Variants in PPFIA2 observed in about 807,000 individuals in gnomAD.
PPFIA2 encodes the protein liprin-alpha-2.
A neutral mutation model predicts 175.5 loss-of-function variants in PPFIA2; 46 were observed. The observed-to-expected ratio is 0.26, with a 90% CI of 0.21 to 0.34. The LOEUF (loss-of-function observed/expected upper bound fraction) is 0.34, where lower values mean the gene tolerates loss of function less well. PPFIA2 is among the 10% of genes least tolerant of loss of function. PPFIA2 has a pLI of 1.00. For missense variants in PPFIA2, 1,179 were observed against 1,506.1 expected (o/e 0.78, Z 3.60); for synonymous variants, 568 against 511.4 (o/e 1.11, Z -1.49).
intron 3 of PPFIA2, among the ~76,000 whole-genome samples, chr12:81,678,993 T>C (rs2073108936): frequency 6.6e-6 from 1 of 151,896 alleles, no homozygotes; most frequent in Non-Finnish European, 1.5e-5. Flanking sequence ...GCATTCTTAT[T>C]GTCACTTAAG....
At chr12:81,561,584 A>C (rs1305221971) in intron 4 of PPFIA2, among the ~76,000 whole-genome samples, 1 of 152,216 alleles carries the variant, frequency 6.6e-6, no homozygotes, top group Non-Finnish European at 1.5e-5. Flanking sequence ...TCATATAGCT[A>C]TCTTCCTATT....
At chr12:81,718,615 A>T (rs2078944711) in intron 3 of PPFIA2, among the ~76,000 whole-genome samples, 1 of 151,730 alleles carries the variant, frequency 6.6e-6, no homozygotes, top group South Asian at 2.1e-4. Context: ...AGAGATTTGT[A>T]CAGTGGAAAA....
chr12:81,520,072 G>A (rs934057890), intron 4 of PPFIA2, among the ~76,000 whole-genome samples: 2 of 152,150 alleles, frequency 1.3e-5, no homozygotes, highest in African/African-American at 4.8e-5. Context: ...ATGATATAAT[G>A]TCTATGTGAT....
chr12:81,719,760 G>A (rs1250633883), intron 3 of PPFIA2, among the ~76,000 whole-genome samples: 1 of 151,154 alleles, frequency 6.6e-6, no homozygotes, highest in African/African-American at 2.4e-5. Context: ...TAATATCTAG[G>A]TGAAACAAAT....
intron 4 of PPFIA2, among the ~76,000 whole-genome samples, chr12:81,560,777 C>G (rs747473518): frequency 9.5e-4 from 145 of 152,130 alleles, no homozygotes; most frequent in South Asian, 1.0e-3. Flanking sequence ...TTTCTCAGCT[C>G]TAGTACAGGT....
chr12:81,309,450 C>T (rs1054711419), intron 22 of PPFIA2, among the ~76,000 whole-genome samples: 4 of 152,038 alleles, frequency 2.6e-5, no homozygotes, highest in Admixed American at 1.3e-4. Flanking sequence ...ACATATTTAG[C>T]TTCATAAAAT....
intron 5 of PPFIA2, among the ~76,000 whole-genome samples, chr12:81,454,830 A>C (rs1329163583): frequency 6.6e-6 from 1 of 151,824 alleles, no homozygotes; most frequent in Non-Finnish European, 1.5e-5. Context: ...TTTATATTTT[A>C]TTTTCTTTTA....
At chr12:81,521,029 T>C (rs1414189483) in intron 4 of PPFIA2, among the ~76,000 whole-genome samples, 1 of 152,202 alleles carries the variant, frequency 6.6e-6, no homozygotes, top group African/African-American at 2.4e-5. Context: ...ATTTATATGT[T>C]GCTCTATTTT....
At chr12:81,475,270 AGGAT>A (rs1363980452) in intron 4 of PPFIA2, among the ~76,000 whole-genome samples, 3 of 152,298 alleles carry the variant, frequency 2.0e-5, no homozygotes, top group Non-Finnish European at 4.4e-5. Flanking sequence ...CCATGGTAAA[AGGAT>A]CACATTTAGT....
At chr12:81,471,576 G>T (rs1417411476) in intron 4 of PPFIA2, among the ~76,000 whole-genome samples, 2 of 150,468 alleles carry the variant, frequency 1.3e-5, no homozygotes, top group Admixed American at 1.3e-4. Flanking sequence ...TTAATTTCTT[G>T]GTTATTCTGA....
intron 11 of PPFIA2, among the ~76,000 whole-genome samples, chr12:81,370,412 T>C (rs1216412848): frequency 1.3e-5 from 2 of 151,846 alleles, no homozygotes; most frequent in Non-Finnish European, 2.9e-5. Flanking sequence ...CACTCTCAGA[T>C]ATTGGTCTAG....
rs560267946 is a variant in PPFIA2, at chr12:81,712,238, G to A, written c.250-35394C>T. ...ATAACATTGGTCTCATTTTCATCCT[G>A]AATTTTAAACAAAAGTCTATAAACA... is the stretch of plus-strand genomic sequence containing the variant. On this transcript the variant is annotated intron_variant, in intron 3 of 32. Transcript: ENST00000549396. 2.1e-4 allele frequency among the ~76,000 whole-genome samples: 32 copies of A among 151,210 alleles called. 2 individuals are homozygous for A. Among genetic ancestry groups the A allele is most frequent in the Middle Eastern group, 6.8e-3 (2 of 294 alleles).
intron 4 of PPFIA2, among the ~76,000 whole-genome samples, chr12:81,629,240 G>A (rs1466785217): frequency 6.6e-6 from 1 of 152,016 alleles, no homozygotes; most frequent in African/African-American, 2.4e-5. Flanking sequence ...TCCATTGAAT[G>A]AGCTTCAATA....
At chr12:81,333,842 A>G (rs59565226) in intron 21 of PPFIA2, among the ~76,000 whole-genome samples, 4,210 of 152,234 alleles carry the variant, frequency 0.028, 181 homozygotes, top group African/African-American at 0.096. Flanking sequence ...GGATGTGCTG[A>G]TCAAGAACAG....
intron 17 of PPFIA2, among the ~76,000 whole-genome samples, chr12:81,348,942 T>A (rs1243844236): frequency 6.6e-6 from 1 of 152,156 alleles, no homozygotes; most frequent in Non-Finnish European, 1.5e-5. Flanking sequence ...GGATCCCCTC[T>A]TATATAGAAC....
intron 3 of PPFIA2, among the ~76,000 whole-genome samples, chr12:81,721,048 T>C (rs1397526949): frequency 7.4e-5 from 11 of 149,576 alleles, no homozygotes; most frequent in African/African-American, 2.7e-4. Context: ...CAGGTGATTA[T>C]GAAATGGATG....
chr12:81,734,904 G>C (rs1568059134), intron 3 of PPFIA2, among the ~76,000 whole-genome samples: 1 of 151,680 alleles, frequency 6.6e-6, no homozygotes, highest in African/African-American at 2.4e-5. Context: ...GGTATTTCAT[G>C]AATAAGGAAT....
intron 11 of PPFIA2, among the ~76,000 whole-genome samples, chr12:81,374,280 C>G (rs955834285): frequency 4.6e-5 from 7 of 152,038 alleles, no homozygotes; most frequent in Admixed American, 4.6e-4. Context: ...CTTCTAATAG[C>G]AATTGATGTG....
chr12:81,650,693 T>C (rs1390588582), intron 4 of PPFIA2, among the ~76,000 whole-genome samples: 1 of 152,194 alleles, frequency 6.6e-6, no homozygotes, highest in African/African-American at 2.4e-5. Context: ...TCTCAAATAA[T>C]CAATTTTTTC....
Sources: allele counts gnomAD v4.1 joint callset (sites outside exome capture counted in the v4.1 genomes callset), GRCh38; gene constraint gnomAD v4.1.1; transcripts MANE v1.5; gene names NCBI Gene and HGNC (gene_info 2026-07-23, HGNC 2026-07-21).